EYA2: variants seen among roughly 807,000 people sequenced by gnomAD.
The protein encoded by EYA2 is EYA transcriptional coactivator and phosphatase 2, also known as protein phosphatase EYA2.
Under a neutral mutation model 69.2 loss-of-function variants are expected in EYA2, and 31 were observed. The observed-to-expected ratio is 0.45, with a 90% CI of 0.34 to 0.60. The LOEUF is 0.60. Ranked by LOEUF, EYA2 falls within the 20% of genes least tolerant of loss-of-function variation. EYA2 has a pLI of 0.02. For synonymous variants in EYA2, 257 were observed against 279.4 expected, an observed-to-expected ratio of 0.92 and a Z score of 0.80; for missense variants, 622 against 701.2, an observed-to-expected ratio of 0.89 and a Z score of 1.28.
intron 9 of EYA2, among the ~76,000 whole-genome samples, chr20:47,133,763 G>A (rs2033396511): frequency 6.6e-6 from 1 of 152,206 alleles, no homozygotes; most frequent in East Asian, 1.9e-4. Context: ...CAGCAACAAT[G>A]TGTGCGAACA....
At chr20:46,922,756 G>GA (rs1985236904) in intron 1 of EYA2, among the ~76,000 whole-genome samples, 1 of 152,234 alleles carries the variant, frequency 6.6e-6, no homozygotes, top group South Asian at 2.1e-4. Flanking sequence ...TTGGGGTGGG[G>GA]ATGTTGATAA....
chr20:46,954,177 G>A (rs1275067252), intron 1 of EYA2, among the ~76,000 whole-genome samples: 1 of 152,046 alleles, frequency 6.6e-6, no homozygotes, highest in Non-Finnish European at 1.5e-5. Context: ...CCTCCGAGAG[G>A]CCTTCCCTGA....
intron 2 of EYA2, among the ~76,000 whole-genome samples, chr20:46,996,951 C>T (rs1206795): frequency 0.024 from 3,601 of 151,690 alleles, 149 homozygotes; most frequent in African/African-American, 0.081. Context: ...TCTGAATATA[C>T]GCCAGAAAGT....
intron 4 of EYA2, among the ~76,000 whole-genome samples, chr20:47,014,696 A>G (rs1983304050): frequency 6.6e-6 from 1 of 151,608 alleles, no homozygotes; most frequent in Admixed American, 6.6e-5. Context: ...GCTGCAGCAA[A>G]TACATATGTA....
chr20:46,987,928 CTCTCTCTCTCTCTCTCTCT>C (rs1981349895), intron 1 of EYA2, among the ~76,000 whole-genome samples: 3 of 29,216 alleles, frequency 1.0e-4, no homozygotes, highest in South Asian at 1.6e-3. Flanking sequence ...CTCTCTCTCT[CTCTCTCTCTCTCTCTCTCT>C]CTCTCTCTCT....
At chr20:46,993,704 C>G (rs1015509130) in intron 2 of EYA2, among the ~76,000 whole-genome samples, 3 of 152,172 alleles carry the variant, frequency 2.0e-5, no homozygotes, top group African/African-American at 7.2e-5. Flanking sequence ...AAGTATTTAG[C>G]ACGTTGCATA....
chr20:47,104,231 GT>G (rs1204972331), intron 9 of EYA2, among the ~76,000 whole-genome samples: 2 of 152,144 alleles, frequency 1.3e-5, no homozygotes, highest in African/African-American at 4.8e-5. Flanking sequence ...TTGGCCATTT[GT>G]ATATCTTCTT....
chr20:47,175,715 GGTTGGGCAGCCAGCTACACAAGACAGCAC>G (rs1232415002), intron 12 of EYA2, among the ~76,000 whole-genome samples: 3 of 152,184 alleles, frequency 2.0e-5, no homozygotes, highest in African/African-American at 7.2e-5. Flanking sequence ...AAGTAGGGGT[GGTTGGGCAGCCAGCTACACAAGACAGCAC>G]GTTGGGAAGC....
At chr20:47,090,526 C>T (rs922127569) in intron 8 of EYA2, among the ~76,000 whole-genome samples, 4 of 151,988 alleles carry the variant, frequency 2.6e-5, no homozygotes, top group East Asian at 1.9e-4. Flanking sequence ...AGGCGTGAGC[C>T]GCCATGCCCG....
At chr20:47,121,701 C>A (rs955274237) in intron 9 of EYA2, among the ~76,000 whole-genome samples, 4 of 152,126 alleles carry the variant, frequency 2.6e-5, no homozygotes. Flanking sequence ...TGGGTCAGAT[C>A]CTTTGCATGG....
chr20:47,024,596 C>A (rs1171682773), intron 5 of EYA2, among the ~76,000 whole-genome samples: 1 of 152,224 alleles, frequency 6.6e-6, no homozygotes, highest in Non-Finnish European at 1.5e-5. Context: ...TCTGGGAGTT[C>A]TGCTCTGCCA....
rs113065933 is a variant in EYA2, at chr20:47,019,864, T to C, written c.415+3567T>C. 8.0e-5 allele frequency among the ~76,000 whole-genome samples: 12 copies of C among 150,074 alleles called. 1 individual carries two copies. Among genetic ancestry groups the C allele is most frequent in the African/African-American group, 2.7e-4 (11 of 40,708 alleles). On this transcript the variant is annotated intron_variant, in intron 5 of 15. Transcript: ENST00000327619. ...CATGCCTGTAGTCCCAGCTACTCAA[T>C]ATGTTGAGGTAGGAGGATCACTTTT...
chr20:47,008,477 C>A (rs11906203), intron 4 of EYA2, among the ~76,000 whole-genome samples: 2,234 of 152,302 alleles, frequency 0.015, 51 homozygotes, highest in African/African-American at 0.049. Context: ...ACTTTTTTCC[C>A]CTGCTGTGCT....
chr20:47,004,852 C>G, intron 3 of EYA2, 90 bp from the exon 4 acceptor site: 2 of 1,577,104 alleles, frequency 1.3e-6, no homozygotes, highest in South Asian at 1.1e-5. Context: ...GAGTAGAACC[C>G]CAAAGAAAAA....
At chr20:46,902,176 A>G (rs1021305031) in intron 1 of EYA2, among the ~76,000 whole-genome samples, 4 of 152,150 alleles carry the variant, frequency 2.6e-5, no homozygotes, top group African/African-American at 9.7e-5. Flanking sequence ...CAATTTTTCT[A>G]ACACCTTGGG....
chr20:46,950,055 G>A (rs1403674923), intron 1 of EYA2, among the ~76,000 whole-genome samples: 1 of 152,216 alleles, frequency 6.6e-6, no homozygotes, highest in African/African-American at 2.4e-5. Context: ...CACTGTGCAT[G>A]CAAAGTGCTC....
chr20:47,037,041 A>G (rs1303728571), intron 5 of EYA2, among the ~76,000 whole-genome samples: 1 of 152,224 alleles, frequency 6.6e-6, no homozygotes, highest in Non-Finnish European at 1.5e-5. Context: ...GAAACTTACA[A>G]TGATGGTGGA....
chr20:46,927,918 A>G (rs112891832), intron 1 of EYA2, among the ~76,000 whole-genome samples: 259 of 152,338 alleles, frequency 1.7e-3, no homozygotes, highest in African/African-American at 5.8e-3. Context: ...AAGTGCACAT[A>G]GTAACCCTAA....
intron 1 of EYA2, among the ~76,000 whole-genome samples, chr20:46,987,964 C>CTCTCTCTCTCTCTCTCTATA (rs1555809797): frequency 1.8e-4 from 2 of 11,278 alleles, no homozygotes; most frequent in Non-Finnish European, 3.4e-4. Flanking sequence ...CTCTCTCTCT[C>CTCTCTCTCTCTCTCTCTATA]TATATATATA....
Sources: allele counts gnomAD v4.1 joint callset (sites outside exome capture counted in the v4.1 genomes callset), GRCh38; gene constraint gnomAD v4.1.1; transcripts MANE v1.5; gene names NCBI Gene and HGNC (gene_info 2026-07-23, HGNC 2026-07-21).